Variants in MAGI1 observed in about 807,000 individuals in gnomAD.
The protein encoded by MAGI1 is membrane associated guanylate kinase, WW and PDZ domain containing 1, also known as membrane-associated guanylate kinase, WW and PDZ domain-containing protein 1.
Under a neutral mutation model 139.9 loss-of-function variants are expected in MAGI1, and 58 were observed. That is an observed-to-expected ratio of 0.41 (90% confidence interval 0.34 to 0.52). MAGI1 has a LOEUF of 0.52. MAGI1 is among the 20% of genes least tolerant of loss of function. The pLI is 0.12. For missense variants in MAGI1, 1,874 were observed against 1,901.6 expected (o/e 0.99, Z 0.27); for synonymous variants, 812 against 737.9 (o/e 1.10, Z -1.63).
intron 13 of MAGI1, among the ~76,000 whole-genome samples, chr3:65,395,439 C>T (rs1394475562): frequency 1.3e-5 from 2 of 150,992 alleles, no homozygotes; most frequent in African/African-American, 4.9e-5. Flanking sequence ...GTCAGGAGTT[C>T]GAAACCAGCC....
chr3:65,531,657 C>A (rs1025407380), intron 2 of MAGI1, among the ~76,000 whole-genome samples: 4 of 152,260 alleles, frequency 2.6e-5, no homozygotes, highest in East Asian at 1.9e-4. Context: ...TAGGGCATCA[C>A]CCTCAAGTGG....
intron 2 of MAGI1, among the ~76,000 whole-genome samples, chr3:65,606,066 T>C (rs768766162): frequency 2.6e-5 from 4 of 152,196 alleles, no homozygotes; most frequent in Non-Finnish European, 5.9e-5. Context: ...GAGCACCTAC[T>C]ATGTGCCAGA....
Position 65,540,573 on chromosome 3 carries a change from A to G in MAGI1, c.431-46942T>C, listed in dbSNP as rs532625686. 1.2e-3 allele frequency among the ~76,000 whole-genome samples: 180 copies of G among 152,302 alleles called. 3 individuals carry two copies. The South Asian group carries it at 0.036, about 31-fold the overall frequency. On this transcript the variant is annotated intron_variant, in intron 2 of 22. Transcript: ENST00000402939. ...GAGTGGGTTGTATTTTATTAAAAGG[A>G]TTTTTGATACTGCAGGTTGCTTTAC...
rs574369487 is a variant in MAGI1 at position 65,738,327 on chromosome 3, A to T, written c.314-116239T>A. On this transcript the variant is annotated intron_variant, in intron 1 of 22. Transcript: ENST00000402939. ...GCTAGGACTATAGGCATGGGCCACC[A>T]CCCCAAGCCAATTTAAAAAAAAAAT... Among the ~76,000 whole-genome samples, 8 of 152,222 alleles carry T rather than the reference A, an allele frequency of 5.3e-5. No homozygotes were observed. In the South Asian group the frequency reaches 1.5e-3, roughly 28 times the overall value.
At chr3:65,373,488 C>T (rs533661884) in intron 18 of MAGI1, among the ~76,000 whole-genome samples, 60 of 152,234 alleles carry the variant, frequency 3.9e-4, no homozygotes, top group African/African-American at 1.2e-3. Context: ...CACAAAGGCA[C>T]AAAGTGAGCA....
At position 65,355,605 on chromosome 3, in the gene MAGI1, A is replaced by G. The variant is rs760462328; in HGVS notation, c.*773T>C. ...GCAAAGCTGTGATGGCATTGCCTTC[A>G]ATGAGATTTTATCAGATGTTGGTGA... On this transcript the variant is annotated 3_prime_UTR_variant, in exon 23 of 23. Transcript: ENST00000402939. 6.6e-6 allele frequency: 1 copy of G among 152,632 alleles called. No homozygotes were observed. The highest frequency in any genetic ancestry group is 1.5e-5 in the Non-Finnish European group (1 of 68,038). 9.5% of individuals were successfully genotyped at this position (152,632 alleles called of 1,614,324 possible).
At chr3:65,932,929 G>T (rs527327026) in intron 1 of MAGI1, among the ~76,000 whole-genome samples, 1 of 152,016 alleles carries the variant, frequency 6.6e-6, no homozygotes, top group African/African-American at 2.4e-5. Flanking sequence ...CTCTATACCA[G>T]ACTACATTTA....
chr3:65,749,922 C>A (rs1342401769), intron 1 of MAGI1, among the ~76,000 whole-genome samples: 1 of 152,006 alleles, frequency 6.6e-6, no homozygotes, highest in Non-Finnish European at 1.5e-5. Context: ...CTTACTTTTT[C>A]CACCTACTCC....
At chr3:65,945,469 G>A (rs2063505442) in intron 1 of MAGI1, among the ~76,000 whole-genome samples, 1 of 152,174 alleles carries the variant, frequency 6.6e-6, no homozygotes, top group Non-Finnish European at 1.5e-5. Flanking sequence ...GCCTGAGAAG[G>A]ACTCTGTACT....
intron 1 of MAGI1, among the ~76,000 whole-genome samples, chr3:65,962,720 G>A (rs149776012): frequency 6.6e-6 from 1 of 151,432 alleles, no homozygotes; most frequent in African/African-American, 2.4e-5. Flanking sequence ...AGCTACTCAG[G>A]AGGTTGAGAC....
chr3:65,950,332 T>C (rs1011627681), intron 1 of MAGI1, among the ~76,000 whole-genome samples: 4 of 151,972 alleles, frequency 2.6e-5, no homozygotes, highest in African/African-American at 9.7e-5. Context: ...TAGCCAAAGA[T>C]CTGGGTTCTT....
intron 1 of MAGI1, among the ~76,000 whole-genome samples, chr3:65,827,895 TATATGTAAAATTA>T (rs1201415153): frequency 6.6e-6 from 1 of 152,208 alleles, no homozygotes; most frequent in African/African-American, 2.4e-5. Context: ...TTTTTAATGT[TATATGTAAAATTA>T]ATAGCATCTT....
chr3:65,544,553 T>A (rs1480206488), intron 2 of MAGI1, among the ~76,000 whole-genome samples: 2 of 152,300 alleles, frequency 1.3e-5, no homozygotes, highest in Admixed American at 6.5e-5. Context: ...TTACCTAGCA[T>A]GCAGAAAGAA....
intron 2 of MAGI1, among the ~76,000 whole-genome samples, chr3:65,567,333 G>A (rs964975691): frequency 3.3e-5 from 5 of 151,738 alleles, no homozygotes; most frequent in South Asian, 2.1e-4. Context: ...CACGCTGACT[G>A]TGTAAAAAGT....
chr3:65,715,583 G>A (rs2032136690), intron 1 of MAGI1, among the ~76,000 whole-genome samples: 1 of 152,040 alleles, frequency 6.6e-6, no homozygotes, highest in African/African-American at 2.4e-5. Flanking sequence ...CACAATCCAG[G>A]GAAGGAAATG....
chr3:65,616,502 G>A (rs2083377548), intron 2 of MAGI1, among the ~76,000 whole-genome samples: 1 of 152,110 alleles, frequency 6.6e-6, no homozygotes, highest in African/African-American at 2.4e-5. Context: ...GATAGAGAGA[G>A]ATATCATGAC....
At chr3:65,524,124 AG>A (rs2078280895) in intron 2 of MAGI1, among the ~76,000 whole-genome samples, 1 of 152,210 alleles carries the variant, frequency 6.6e-6, no homozygotes, top group South Asian at 2.1e-4. Context: ...AAGAATGAAA[AG>A]TTGATTTTGG....
At chr3:65,755,102 G>A (rs1047382405) in intron 1 of MAGI1, among the ~76,000 whole-genome samples, 15 of 151,690 alleles carry the variant, frequency 9.9e-5, no homozygotes, top group Non-Finnish European at 2.1e-4. Context: ...CGCGTGCCAC[G>A]AGGCCCAGCT....
At chr3:65,362,490 A>C (rs1434884403) in intron 21 of MAGI1, among the ~76,000 whole-genome samples, 2 of 152,254 alleles carry the variant, frequency 1.3e-5, no homozygotes, top group East Asian at 3.9e-4. Flanking sequence ...AATATGAGAG[A>C]AACTGGTATA....
Sources: gnomAD v4.1 joint callset for allele counts (sites outside exome capture counted in the v4.1 genomes callset) on GRCh38, gnomAD v4.1.1 for gene constraint, MANE v1.5 for transcripts, NCBI Gene and HGNC (gene_info 2026-07-23, HGNC 2026-07-21) for gene names.